The following HEATR3 variants were observed in gnomAD, a reference collection of about 807,000 sequenced individuals.
HEATR3 encodes HEAT repeat-containing protein 3.
HEATR3 carries 56 observed loss-of-function variants against 72.8 expected under a neutral mutation model. That is an observed-to-expected ratio of 0.77 (90% CI 0.62 to 0.96). The LOEUF is 0.96. Among genes scored for constraint, HEATR3 ranks in the 40% least tolerant of loss-of-function variants. The pLI is 0.00. For synonymous variants in HEATR3, 331 were observed against 318.1 expected (o/e 1.04, Z -0.43); for missense variants, 747 against 831.4 (o/e 0.90, Z 1.25).
chr16:50,066,024 G>C lies in HEATR3; in HGVS notation c.-108G>C. 2 of 1,076,090 alleles carry C rather than the reference G, an allele frequency of 1.9e-6. No homozygotes were observed. The highest frequency in any genetic ancestry group is 2.5e-6 in the Non-Finnish European group (2 of 808,168). The allele number at this position is 1,076,090 out of a possible 1,614,324, so 66.7% of individuals were successfully genotyped here. A position where few individuals can be genotyped will look rare whatever the true frequency, so the allele number is the denominator to read the frequency against. ...TTGCCCATGTGTGCTGCAGCCGTCA[G>C]CCGGCCCAGCTGAGCAGCAGCAACG... On this transcript the variant is annotated 5_prime_UTR_variant, in exon 1 of 15. Coordinates refer to ENST00000299192, the MANE Select transcript of HEATR3 (RefSeq NM_182922.4).
At chr16:50,088,956 C>T (rs1325413548) in intron 11 of HEATR3, among the ~76,000 whole-genome samples, 1 of 152,196 alleles carries the variant, frequency 6.6e-6, no homozygotes, top group Non-Finnish European at 1.5e-5. Flanking sequence ...CATCCCCAGG[C>T]AGCACACAGA....
intron 11 of HEATR3, among the ~76,000 whole-genome samples, chr16:50,091,169 TAAG>T (rs2037100809): frequency 6.9e-6 from 1 of 144,154 alleles, no homozygotes; most frequent in African/African-American, 2.6e-5. Flanking sequence ...TAATTAAAAA[TAAG>T]AAAAAAAATT....
At position 50,106,317 on chromosome 16, in the gene HEATR3, T is replaced by G. The variant is rs866433628; in HGVS notation, c.*1256T>G. The G allele has an allele frequency of 1.1e-4, 16 of 152,174 alleles. No individual in the cohort carries two copies. Among genetic ancestry groups the G allele is most frequent in the African/African-American group, 2.9e-4 (12 of 41,444 alleles). The allele number at this position is 152,174 out of a possible 1,614,324, so 9.4% of individuals were successfully genotyped here. A position where few individuals can be genotyped will look rare whatever the true frequency, so the allele number is the denominator to read the frequency against. Reference sequence around the variant, plus strand: ...GATGAGTTATTGCTGTAACATCACTTCTTGATTTAATTTGATATGGAATCA... The same window carrying G: ...GATGAGTTATTGCTGTAACATCACTGCTTGATTTAATTTGATATGGAATCA... On this transcript the variant is annotated 3_prime_UTR_variant, in exon 15 of 15. Coordinates refer to ENST00000299192, the MANE Select transcript of HEATR3 (RefSeq NM_182922.4).
At chr16:50,104,845 C>T in intron 14 of HEATR3, 94 bp from the exon 15 acceptor site, 1 of 1,169,702 alleles carries the variant, frequency 8.5e-7, no homozygotes, top group East Asian at 2.8e-5. Flanking sequence ...TCTGCTTCAG[C>T]AAATGGTTAA....
chr16:50,068,860 TAA>T lies in HEATR3; in HGVS notation c.395_396del (p.Lys132ArgfsTer3). 6.2e-7 allele frequency: 1 copy of T among 1,612,200 alleles called. No individual in the cohort carries two copies. The highest frequency in any genetic ancestry group is 8.5e-7 in the Non-Finnish European group (1 of 1,178,438). On this transcript the variant is annotated frameshift_variant, in exon 3 of 15. Transcript: ENST00000299192. LOFTEE classifies it high-confidence loss of function. ...ATCATGACCCCTCTGGTTGCGCTGC[TAA>T]AAGAGGTATGCAGTTTTTACAGTAT...
intron 12 of HEATR3, among the ~76,000 whole-genome samples, chr16:50,097,690 G>A (rs543623951): frequency 4.6e-5 from 7 of 152,106 alleles, no homozygotes; most frequent in Non-Finnish European, 4.4e-5. Context: ...TGAGGTGGGC[G>A]GATCACTTGA....
intron 7 of HEATR3, among the ~76,000 whole-genome samples, chr16:50,079,259 T>C (rs553585934): frequency 6.6e-6 from 1 of 152,220 alleles, no homozygotes. Context: ...AGAGATGGGA[T>C]AGACCTATCC....
chr16:50,088,292 C>G lies in HEATR3; in HGVS notation c.1510+1941C>G, dbSNP rs78366638. Reference sequence around the variant, plus strand: ...CATGTTTTTTAAGTTCTAAATTAATCTTTAAAAATTAAGTAATTAAATATT... The same window carrying G: ...CATGTTTTTTAAGTTCTAAATTAATGTTTAAAAATTAAGTAATTAAATATT... On this transcript the variant is annotated intron_variant, in intron 11 of 14. Transcript: ENST00000299192. 5.3e-3 allele frequency among the ~76,000 whole-genome samples: 806 copies of G among 152,282 alleles called. 7 individuals carry two copies. Among genetic ancestry groups the G allele is most frequent in the African/African-American group, 0.018 (743 of 41,552 alleles).
Position 50,072,730 on chromosome 16 carries a change from G to A in HEATR3, c.622+16G>A. On this transcript the variant is annotated intron_variant, in intron 5 of 14. Transcript: ENST00000299192. Reference sequence around the variant, plus strand: ...ATTTCAGTAGGTAAGTGAAGAAAAGGTGATGACTTATTAAGAATGTGTAGC... The same window carrying A: ...ATTTCAGTAGGTAAGTGAAGAAAAGATGATGACTTATTAAGAATGTGTAGC... The A allele has an allele frequency of 7.0e-7, 1 of 1,430,048 alleles. No individual in the cohort carries two copies. Among genetic ancestry groups the A allele is most frequent in the Non-Finnish European group, 9.9e-7 (1 of 1,011,674 alleles). The allele number at this position is 1,430,048 out of a possible 1,614,324, so 88.6% of individuals were successfully genotyped here. A position where few individuals can be genotyped will look rare whatever the true frequency, so the allele number is the denominator to read the frequency against.
At chr16:50,076,948 A>G (rs1204137732) in intron 6 of HEATR3, among the ~76,000 whole-genome samples, 1 of 148,002 alleles carries the variant, frequency 6.8e-6, no homozygotes, top group African/African-American at 2.5e-5. Context: ...ACTCACTGCA[A>G]GCTCCGCTTC....
chr16:50,100,527 C>T, intron 13 of HEATR3, 154 bp downstream of exon 13: 2 of 668,072 alleles, frequency 3.0e-6, no homozygotes, highest in Non-Finnish European at 5.1e-6. Context: ...TACCCTTTGG[C>T]TTGATCTAAC....
intron 12 of HEATR3, chr16:50,098,133 G>A (rs1597175890): frequency 6.6e-6 from 1 of 151,876 alleles, no homozygotes; most frequent in Non-Finnish European, 1.5e-5. Context: ...ATAAAAAATG[G>A]TACAATATTT....
chr16:50,066,099 T>C lies in HEATR3; in HGVS notation c.-33T>C, dbSNP rs1567420914. On this transcript the variant is annotated 5_prime_UTR_variant, in exon 1 of 15. Transcript: ENST00000299192. Reference sequence around the variant, plus strand: ...TCCACCGCCTGCTGTTGCCCTCCTCTCTCGGTGGTCTGTCCGCCCAGCGCA... The same window carrying C: ...TCCACCGCCTGCTGTTGCCCTCCTCCCTCGGTGGTCTGTCCGCCCAGCGCA... 1 of 1,562,802 alleles carries C rather than the reference T, an allele frequency of 6.4e-7. No homozygotes were observed. Among genetic ancestry groups the C allele is most frequent in the East Asian group, 2.3e-5 (1 of 42,696 alleles).
intron 7 of HEATR3, among the ~76,000 whole-genome samples, chr16:50,082,094 C>T (rs1383782490): frequency 6.6e-6 from 1 of 152,160 alleles, no homozygotes; most frequent in African/African-American, 2.4e-5. Context: ...GTAATCCCAG[C>T]ACTTGGGGAG....
rs771385957 is a variant in HEATR3, at chr16:50,084,050, A to C, written c.1132+23A>C. 20 of 1,613,668 alleles carry C rather than the reference A, an allele frequency of 1.2e-5. No individual in the cohort carries two copies. In the South Asian group the frequency reaches 1.8e-4, roughly 14 times the overall value. ...AAGGTTTGTTAACATTTACATTTAG[A>C]CATTTTCCCCCTGAGCCAAGAGGGA... On this transcript the variant is annotated intron_variant, in intron 8 of 14. Coordinates refer to ENST00000299192, the MANE Select transcript of HEATR3 (RefSeq NM_182922.4).
chr16:50,100,370 T>A lies in HEATR3; in HGVS notation c.1740T>A (p.Leu580=). ...AAGAAGATGGTACACTTGAAACTCTTAAGGTAAAACAATTTGCTTCTGACC... is the reference window on the plus strand; with the variant it reads ...AAGAAGATGGTACACTTGAAACTCTAAAGGTAAAACAATTTGCTTCTGACC... The part of the protein sequence containing the change: ...LAKEDGTLET[L]KNIGCFLLEV... The change falls in exon 13 of 15, where the codon CTT becomes CTA. Residue 580 remains leucine, a synonymous_variant. Coordinates refer to ENST00000299192, the MANE Select transcript of HEATR3 (RefSeq NM_182922.4). 6.2e-7 allele frequency: 1 copy of A among 1,613,786 alleles called. No individual in the cohort carries two copies. The highest frequency in any genetic ancestry group is 1.1e-5 in the South Asian group (1 of 91,038).
intron 4 of HEATR3, among the ~76,000 whole-genome samples, chr16:50,072,243 T>C (rs1291217526): frequency 6.6e-6 from 1 of 152,148 alleles, no homozygotes; most frequent in South Asian, 2.1e-4. Flanking sequence ...ACTAACAAAA[T>C]GTGTGCTCTT....
At chr16:50,066,709 C>G in intron 2 of HEATR3, 170 bp downstream of exon 2, 1 of 553,724 alleles carries the variant, frequency 1.8e-6, no homozygotes, top group Non-Finnish European at 2.7e-6. Flanking sequence ...AGCCCAGTAT[C>G]CCCGCATCTC....
intron 12 of HEATR3, among the ~76,000 whole-genome samples, chr16:50,097,780 T>C (rs377022456): frequency 6.6e-6 from 1 of 152,010 alleles, no homozygotes. Flanking sequence ...CTGGGTGTGG[T>C]GGCACGCGCC....
Sources: gnomAD v4.1 joint callset for allele counts (sites outside exome capture counted in the v4.1 genomes callset) on GRCh38, gnomAD v4.1.1 for gene constraint, MANE v1.5 for transcripts, NCBI Gene and HGNC (gene_info 2026-07-23, HGNC 2026-07-21) for gene names.